The following LSP1 variants were observed in gnomAD, a reference collection of about 807,000 sequenced individuals.
LSP1 encodes lymphocyte specific protein 1.
A neutral mutation model predicts 49.3 loss-of-function variants in LSP1; 32 were observed. That is an observed-to-expected ratio of 0.65 (90% CI 0.49 to 0.87). LSP1 has a LOEUF of 0.87. Ranked by LOEUF, LSP1 falls within the 40% of genes least tolerant of loss-of-function variation. The pLI is 0.00. For missense variants in LSP1, 428 were observed against 442.6 expected (o/e 0.97, Z 0.30); for synonymous variants, 179 against 178.8 (o/e 1.00, Z -0.01).
intron 10 of LSP1, chr11:1,890,213 T>A (rs1848936156): frequency 2.8e-6 from 2 of 716,048 alleles, no homozygotes; most frequent in Non-Finnish European, 2.6e-6. Flanking sequence ...GCAGGGGTGA[T>A]GCCACGTGGT....
In LSP1 at chr11:1,880,178, G is replaced by C. The variant is rs138504655; in HGVS notation, c.145G>C (p.Glu49Gln). 1.2e-6 allele frequency: 2 copies of C among 1,604,122 alleles called. No homozygotes were observed. The highest frequency in any genetic ancestry group is 1.7e-6 in the Non-Finnish European group (2 of 1,174,614). The stretch of plus-strand genomic sequence containing the variant: ...AGACAGGCAGCTTCAGGCCCAGGAC[G>C]AGGAGGGAGGCGGCCATGTCCCCGA... ...ERDRQLQAQD[E>Q]EGGGHVPERP... The change falls in exon 2 of 11, where the codon GAG becomes CAG. Residue 49 changes from glutamate to glutamine, a missense_variant. Glu to Gln is a conservative substitution (Grantham distance 29). Coordinates refer to ENST00000311604, the MANE Select transcript of LSP1 (RefSeq NM_002339.3).
chr11:1,864,384 G>A, intron 1 of LSP1: 3 of 317,196 alleles, frequency 9.5e-6, no homozygotes, highest in Non-Finnish European at 1.4e-5. Context: ...TGTGCCTGGG[G>A]CAGGGGCACC....
In LSP1 at chr11:1,884,424, G is replaced by A. The variant is rs1215325683; in HGVS notation, c.636-76G>A. 2 of 1,603,570 alleles carry A rather than the reference G, an allele frequency of 1.2e-6. No homozygotes were observed. The highest frequency in any genetic ancestry group is 4.5e-5 in the East Asian group (2 of 44,814). On this transcript the variant is annotated intron_variant, in intron 6 of 10. Coordinates refer to ENST00000311604, the MANE Select transcript of LSP1 (RefSeq NM_002339.3). This position sits in a 1 kb window ranked among gnomAD's most constrained non-coding sequence, Gnocchi z 4.1. ...GGTAGAGATCTGGAGACCGAGGGGG[G>A]CTCTGGGAGAGGCTTGGGCAGGTTG...
At chr11:1,888,457 G>GC (rs1346504793) in intron 10 of LSP1, 1 of 152,220 alleles carries the variant, frequency 6.6e-6, no homozygotes, top group Non-Finnish European at 1.5e-5. Flanking sequence ...CTCGAGTTCT[G>GC]CCCCCTCAGG....
rs1848159857 is a variant in LSP1 at position 1,873,866 on chromosome 11, CAGAGGAGGGAGGCT to C, written c.54-6220_54-6207del. 1.5e-3 allele frequency among the ~76,000 whole-genome samples: 187 copies of C among 121,108 alleles called. 8 individuals carry two copies. Among genetic ancestry groups the C allele is most frequent in the African/African-American group, 3.0e-3 (91 of 29,840 alleles). 79.5% of individuals were successfully genotyped at this position (121,108 alleles called of 152,430 possible). Reference sequence around the variant, plus strand: ...GAGGCCGGCAGAGGAGGGAGGCTGGCAGAGGAGGGAGGCTGGCAGAGCAGGGAGCCCGGCAGAGG... The same window carrying C: ...GAGGCCGGCAGAGGAGGGAGGCTGGCGGCAGAGCAGGGAGCCCGGCAGAGG... On this transcript the variant is annotated intron_variant, in intron 1 of 10. Coordinates refer to ENST00000311604, the MANE Select transcript of LSP1 (RefSeq NM_002339.3).
At chr11:1,866,391 A>C (rs986136439) in intron 1 of LSP1, 5 of 1,248,756 alleles carry the variant, frequency 4.0e-6, no homozygotes, top group African/African-American at 1.5e-5. Context: ...GGGGTGAGCT[A>C]AGTGGGGTCT....
At chr11:1,874,421 TC>T (rs1161487698) in intron 1 of LSP1, among the ~76,000 whole-genome samples, 1 of 152,018 alleles carries the variant, frequency 6.6e-6, no homozygotes, top group Non-Finnish European at 1.5e-5. Context: ...GGCCCAGTCT[TC>T]ACTCCCCAGC....
At chr11:1,871,048 G>C (rs1212016476) in intron 1 of LSP1, 1 of 985,618 alleles carries the variant, frequency 1.0e-6, no homozygotes, top group Non-Finnish European at 1.2e-6. Flanking sequence ...ACGCATGCGA[G>C]GGTGAGAGCT....
At chr11:1,858,830 G>A (rs989741179) in intron 1 of LSP1, among the ~76,000 whole-genome samples, 1 of 152,230 alleles carries the variant, frequency 6.6e-6, no homozygotes, top group Non-Finnish European at 1.5e-5. Flanking sequence ...CCTCCTAGCC[G>A]TGTCCCACCC....
In LSP1 at chr11:1,873,884, A is replaced by AGAGGAGGGAGGCCGGCG. The variant is rs1848162228; in HGVS notation, c.54-6200_54-6199insGAGGGAGGCCGGCGGAG. On this transcript the variant is annotated intron_variant, in intron 1 of 10. Coordinates refer to ENST00000311604, the MANE Select transcript of LSP1 (RefSeq NM_002339.3). ...AGGCTGGCAGAGGAGGGAGGCTGGC[A>AGAGGAGGGAGGCCGGCG]GAGCAGGGAGCCCGGCAGAGGAGGG... is the stretch of plus-strand genomic sequence containing the variant. Among the ~76,000 whole-genome samples, 16 of 111,020 alleles carry AGAGGAGGGAGGCCGGCG rather than the reference A, an allele frequency of 1.4e-4. 1 individual carries two copies. Among genetic ancestry groups the AGAGGAGGGAGGCCGGCG allele is most frequent in the Non-Finnish European group, 1.7e-4 (9 of 52,750 alleles). The allele number at this position is 111,020 out of a possible 152,430, so 72.8% of individuals were successfully genotyped here.
chr11:1,874,452 G>C (rs1848223896), intron 1 of LSP1, among the ~76,000 whole-genome samples: 1 of 152,140 alleles, frequency 6.6e-6, no homozygotes, highest in African/African-American at 2.4e-5. Context: ...GGTGAGAACA[G>C]AGGGTGGCTG....
At chr11:1,874,058 C>CAGGGAGCCCGGCAGAGG (rs1848186654) in intron 1 of LSP1, among the ~76,000 whole-genome samples, 5 of 34,492 alleles carry the variant, frequency 1.4e-4, no homozygotes, top group Admixed American at 3.9e-4. Flanking sequence ...GCTGGCAGAG[C>CAGGGAGCCCGGCAGAGG]AGGGAGGCCG....
At chr11:1,864,215 G>C (rs1490899038) in intron 1 of LSP1, 1 of 986,312 alleles carries the variant, frequency 1.0e-6, no homozygotes, top group Admixed American at 6.2e-5. Context: ...ACCAGCGAAG[G>C]GTCCAGGCCT....
At chr11:1,886,348 A>G (rs1848747968) in intron 7 of LSP1, among the ~76,000 whole-genome samples, 1 of 151,994 alleles carries the variant, frequency 6.6e-6, no homozygotes, top group Non-Finnish European at 1.5e-5. Flanking sequence ...ACACCTTTCT[A>G]TACAACCAAT....
intron 1 of LSP1, among the ~76,000 whole-genome samples, chr11:1,862,561 C>G (rs1847669687): frequency 6.6e-6 from 1 of 152,126 alleles, no homozygotes. Flanking sequence ...GCAAATGAAG[C>G]ACATGCTCAC....
At chr11:1,867,225 C>A (rs1051301623) in intron 1 of LSP1, among the ~76,000 whole-genome samples, 1 of 152,136 alleles carries the variant, frequency 6.6e-6, no homozygotes, top group Non-Finnish European at 1.5e-5. Flanking sequence ...CAGCAAGAGT[C>A]CCTTGTCCAG....
chr11:1,880,888 C>G (rs1237064574), intron 2 of LSP1: 4 of 153,990 alleles, frequency 2.6e-5, no homozygotes, highest in African/African-American at 9.7e-5. Context: ...GGGGGAGGCA[C>G]AGCCCTGCCC....
At chr11:1,856,081 C>T (rs563192422) in intron 1 of LSP1, among the ~76,000 whole-genome samples, 5 of 152,304 alleles carry the variant, frequency 3.3e-5, no homozygotes, top group Non-Finnish European at 7.4e-5. Flanking sequence ...GCCCACCCGC[C>T]CAGGCGTGCC....
intron 10 of LSP1, chr11:1,890,147 G>A (rs1000903936): frequency 2.8e-6 from 2 of 717,128 alleles, no homozygotes; most frequent in East Asian, 2.7e-5. Flanking sequence ...CCATGGCCCT[G>A]AATTGAGCAG....
Sources: gnomAD v4.1 joint callset for allele counts (sites outside exome capture counted in the v4.1 genomes callset) on GRCh38, gnomAD v4.1.1 for gene constraint, Gnocchi (gnomAD v3.1) non-coding constraint, MANE v1.5 for transcripts, NCBI Gene and HGNC (gene_info 2026-07-23, HGNC 2026-07-21) for gene names.